EIF2D: variants seen among roughly 807,000 people sequenced by gnomAD.
EIF2D encodes the protein hepatocellular carcinoma-associated antigen 56.
EIF2D carries 56 observed loss-of-function variants against 77.4 expected under a neutral mutation model. The ratio of observed to expected loss-of-function variants is 0.72; its 90% CI spans 0.58 to 0.90. The LOEUF (loss-of-function observed/expected upper bound fraction) is 0.90, where lower values mean the gene tolerates loss of function less well. Ranked by LOEUF, EIF2D falls within the 40% of genes least tolerant of loss-of-function variation. The pLI is 0.00. For missense variants in EIF2D, 574 were observed against 706.5 expected, an observed-to-expected ratio of 0.81 and a Z score of 2.13; for synonymous variants, 230 against 271.0, an observed-to-expected ratio of 0.85 and a Z score of 1.49.
chr1:206,602,056 G>T (rs545085558), intron 7 of EIF2D: 130 of 372,534 alleles, frequency 3.5e-4, no homozygotes, highest in African/African-American at 2.3e-3. Context: ...AACCCCCACG[G>T]CAGAGGCAGT....
downstream of EIF2D, among the ~76,000 whole-genome samples, chr1:206,590,017 A>C (rs1018908077): frequency 5.3e-5 from 8 of 152,324 alleles, no homozygotes; most frequent in African/African-American, 1.9e-4. Context: ...TTTTCATTGA[A>C]TCTCATATGG....
intron 3 of EIF2D, 69 bp from the exon 4 acceptor site, chr1:206,608,395 T>C: frequency 2.3e-6 from 3 of 1,304,842 alleles, no homozygotes; most frequent in Non-Finnish European, 3.2e-6. Flanking sequence ...ACTTCATCAT[T>C]TCCTCACTCG....
At chr1:206,575,127 C>A (rs1347836023) in intron 4 of EIF2D, among the ~76,000 whole-genome samples, 3 of 151,976 alleles carry the variant, frequency 2.0e-5, no homozygotes, top group Admixed American at 6.6e-5. Flanking sequence ...GGACATTGAG[C>A]AGGGTATTTC....
downstream of EIF2D, chr1:206,588,716 C>CT (rs1461231142): frequency 6.5e-6 from 1 of 152,700 alleles, no homozygotes; most frequent in Non-Finnish European, 1.5e-5. Context: ...GCTCGCAACT[C>CT]TAAGATTTTT....
rs1553410944 is a variant in EIF2D at position 206,599,854 on chromosome 1, A to AGT, written c.949-20_949-19dup. ...TTAGAGAGCTAAGGGAGAGAGGGCCAGTGGTAGGGGACTTCATTGATTCCA... is the reference window on the plus strand; with the variant it reads ...TTAGAGAGCTAAGGGAGAGAGGGCCAGTGTGGTAGGGGACTTCATTGATTCCA... On this transcript the variant is annotated intron_variant, in intron 8 of 14. Coordinates refer to ENST00000271764, the MANE Select transcript of EIF2D (RefSeq NM_006893.3). This position sits in a 1 kb window ranked among gnomAD's most constrained non-coding sequence, Gnocchi z 4.1. 6.2e-7 allele frequency: 1 copy of AGT among 1,610,886 alleles called. No homozygotes were observed. Among genetic ancestry groups the AGT allele is most frequent in the Admixed American group, 1.7e-5 (1 of 59,982 alleles).
intron 12 of EIF2D, among the ~76,000 whole-genome samples, chr1:206,596,804 G>A (rs1553410173): frequency 6.6e-6 from 1 of 151,960 alleles, no homozygotes; most frequent in East Asian, 1.9e-4. Flanking sequence ...TACCGCCTCC[G>A]CCTCCCAAAG....
intron 5 of EIF2D, 86 bp downstream of exon 5, chr1:206,605,314 C>T (rs1572408143): frequency 1.0e-6 from 1 of 972,034 alleles, no homozygotes; most frequent in East Asian, 2.6e-5. Context: ...ATGGCTAGGA[C>T]CAAAACTCTC....
chr1:206,610,335 A>G (rs1553413645), intron 2 of EIF2D, among the ~76,000 whole-genome samples: 1 of 152,204 alleles, frequency 6.6e-6, no homozygotes, highest in Non-Finnish European at 1.5e-5. Context: ...CCCGAGCAAC[A>G]TAGTGAGACC....
intron 7 of EIF2D, 55 bp from the exon 8 acceptor site, chr1:206,600,363 G>T: frequency 6.5e-7 from 1 of 1,536,730 alleles, no homozygotes; most frequent in Non-Finnish European, 9.0e-7. Context: ...ACTGGGACCT[G>T]CCTGACACTG....
At chr1:206,587,050 A>C, downstream of EIF2D, 1 of 1,557,862 alleles carries the variant, frequency 6.4e-7, no homozygotes, top group Non-Finnish European at 8.7e-7. Context: ...TGCAACAGAC[A>C]CTTTTTCTCA....
At chr1:206,571,229 T>C (rs1308073740), downstream of EIF2D, 1 of 152,186 alleles carries the variant, frequency 6.6e-6, no homozygotes, top group East Asian at 1.9e-4. Context: ...AGATCATATA[T>C]AGATCTTCTT....
At position 206,597,682 on chromosome 1, in the gene EIF2D, C is replaced by T. The variant is rs188904290; in HGVS notation, c.1293-487G>A. On this transcript the variant is annotated intron_variant, in intron 11 of 14. Coordinates refer to ENST00000271764, the MANE Select transcript of EIF2D (RefSeq NM_006893.3). ...AAATAGGGCCGGGCGCAGTGGCCCACGCCTGTAATCCCAGCACTTTGGGAC... is the reference window on the plus strand; with the variant it reads ...AAATAGGGCCGGGCGCAGTGGCCCATGCCTGTAATCCCAGCACTTTGGGAC... Among the ~76,000 whole-genome samples, 728 of 152,254 alleles carry T rather than the reference C, an allele frequency of 4.8e-3. 11 individuals carry two copies. The highest frequency in any genetic ancestry group is 0.017 in the African/African-American group (706 of 41,544).
downstream of EIF2D, among the ~76,000 whole-genome samples, chr1:206,590,623 C>T (rs1669311482): frequency 6.6e-6 from 1 of 152,146 alleles, no homozygotes; most frequent in African/African-American, 2.4e-5. Flanking sequence ...AAGGAGTTTA[C>T]TCATGAGTAA....
downstream of EIF2D, chr1:206,587,022 TATTATTA>T: frequency 1.2e-6 from 2 of 1,602,882 alleles, no homozygotes; most frequent in South Asian, 1.1e-5. Context: ...GATTTATTTG[TATTATTA>T]ATTATTATTT....
At chr1:206,609,860 A>G (rs1670386550) in intron 2 of EIF2D, among the ~76,000 whole-genome samples, 1 of 152,060 alleles carries the variant, frequency 6.6e-6, no homozygotes, top group Admixed American at 6.6e-5. Flanking sequence ...AGCAGCAAAA[A>G]CCCCTAGGTC....
intron 13 of EIF2D, chr1:206,594,952 T>C (rs782076531): frequency 3.9e-5 from 6 of 152,232 alleles, no homozygotes; most frequent in Admixed American, 6.5e-5. Context: ...AGTATTTATA[T>C]GCCAAGTACA....
At chr1:206,606,751 T>C (rs1317456953) in intron 4 of EIF2D, among the ~76,000 whole-genome samples, 1 of 152,146 alleles carries the variant, frequency 6.6e-6, no homozygotes, top group Non-Finnish European at 1.5e-5. Flanking sequence ...GAAGAAATTA[T>C]CAAAATAATG....
At chr1:206,587,038 T>C, downstream of EIF2D, 1 of 1,591,048 alleles carries the variant, frequency 6.3e-7, no homozygotes, top group Non-Finnish European at 8.6e-7. Context: ...TAATTATTAT[T>C]TTGCAACAGA....
At chr1:206,576,062 G>T (rs564348145) in intron 4 of EIF2D, among the ~76,000 whole-genome samples, 3 of 152,306 alleles carry the variant, frequency 2.0e-5, no homozygotes, top group East Asian at 1.9e-4. Context: ...GCCAAGCGGG[G>T]TGCCAAAAAG....
Sources: allele counts gnomAD v4.1 joint callset (sites outside exome capture counted in the v4.1 genomes callset), GRCh38; gene constraint gnomAD v4.1.1; non-coding constraint Gnocchi (gnomAD v3.1); transcripts MANE v1.5; gene names NCBI Gene and HGNC (gene_info 2026-07-23, HGNC 2026-07-21).